Variants in DMD observed in about 807,000 individuals in gnomAD.
DMD encodes mutant dystrophin.
Under a neutral mutation model 330.1 loss-of-function variants are expected in DMD, and 63 were observed. The observed-to-expected ratio is 0.19, with a 90% CI of 0.16 to 0.24. DMD has a LOEUF of 0.24. Ranked by LOEUF, DMD falls within the 10% of genes least tolerant of loss-of-function variation. DMD has a pLI of 1.00. For synonymous variants in DMD, 1,223 were observed against 959.8 expected, an observed-to-expected ratio of 1.27 and a Z score of -5.07; for missense variants, 3,344 against 2,684.1, an observed-to-expected ratio of 1.25 and a Z score of -5.43.
intron 7 of DMD, among the ~76,000 whole-genome samples, chrX:32,748,066 G>C (rs2070290656): frequency 9.0e-6 from 1 of 111,063 alleles, no homozygotes; most frequent in Admixed American, 9.6e-5. Flanking sequence ...GTGTAGGCCA[G>C]GTGTGGTGGC....
chrX:31,749,917 T>C (rs1275762673), intron 51 of DMD, among the ~76,000 whole-genome samples: 2 of 106,743 alleles, frequency 1.9e-5, no homozygotes, highest in African/African-American at 6.9e-5. Flanking sequence ...TTTTTTCATG[T>C]GTCTTTTGGC....
intron 28 of DMD, among the ~76,000 whole-genome samples, chrX:32,439,993 T>A (rs1603633510): frequency 9.0e-6 from 1 of 111,310 alleles, no homozygotes; most frequent in East Asian, 2.8e-4. Flanking sequence ...AAATTTTCTC[T>A]CTTTCCTTAA....
intron 54 of DMD, among the ~76,000 whole-genome samples, chrX:31,644,653 T>C (rs2079975502): frequency 8.9e-6 from 1 of 111,985 alleles, no homozygotes; most frequent in Non-Finnish European, 1.9e-5. Flanking sequence ...TGTCCTACCA[T>C]TATCAATTAA....
chrX:33,212,149 A>C (rs1267499858), upstream of DMD, among the ~76,000 whole-genome samples: 1 of 112,562 alleles, frequency 8.9e-6, no homozygotes, highest in Non-Finnish European at 1.9e-5. Context: ...TGCTAAAATA[A>C]AGAATACTCT....
chrX:33,269,559 T>C (rs776062151), intron 1 of DMD, among the ~76,000 whole-genome samples: 27 of 111,127 alleles, frequency 2.4e-4, no homozygotes, highest in Admixed American at 1.2e-3. Flanking sequence ...AAAATAAAAG[T>C]TGAAATTAAA....
At chrX:31,634,902 T>C (rs1357483712) in intron 54 of DMD, among the ~76,000 whole-genome samples, 1 of 111,864 alleles carries the variant, frequency 8.9e-6, no homozygotes, top group Non-Finnish European at 1.9e-5. Flanking sequence ...TATGAGCAGA[T>C]GAAATACACG....
At chrX:33,045,378 A>G (rs911113090) in intron 1 of DMD, among the ~76,000 whole-genome samples, 1 of 106,340 alleles carries the variant, frequency 9.4e-6, no homozygotes, top group African/African-American at 3.4e-5. Context: ...CTTAAGTTCC[A>G]TCCTTTGCAA....
chrX:32,601,230 C>T (rs2056171978), intron 12 of DMD, among the ~76,000 whole-genome samples: 1 of 111,401 alleles, frequency 9.0e-6, no homozygotes, highest in South Asian at 3.8e-4. Flanking sequence ...CCATGAAGAT[C>T]TATTTACGGT....
chrX:32,569,302 C>A, intron 15 of DMD, among the ~76,000 whole-genome samples: 1 of 112,091 alleles, frequency 8.9e-6, no homozygotes, highest in Non-Finnish European at 1.9e-5. Flanking sequence ...AATGCCAAGA[C>A]AATTTCTCCT....
At chrX:31,243,217 C>T (rs1603177890) in intron 63 of DMD, among the ~76,000 whole-genome samples, 2 of 112,067 alleles carry the variant, frequency 1.8e-5, no homozygotes. Flanking sequence ...AGCAATCTTC[C>T]TTTTCTGTTA....
At chrX:32,448,830 T>C (rs773908480) in intron 26 of DMD, among the ~76,000 whole-genome samples, 192 bp from the exon 27 acceptor site, 26 of 110,971 alleles carry the variant, frequency 2.3e-4, no homozygotes, top group Non-Finnish European at 3.8e-4. Context: ...AAGAAATAAT[T>C]TATTATAAGA....
At chrX:32,781,131 A>C (rs186185029) in intron 7 of DMD, among the ~76,000 whole-genome samples, 9,621 of 104,243 alleles carry the variant, frequency 0.092, 479 homozygotes, top group East Asian at 0.23. Flanking sequence ...AAAAGAAAAA[A>C]AAAAAAAAAA....
At chrX:32,085,596 G>A (rs868307437) in intron 44 of DMD, among the ~76,000 whole-genome samples, 2 of 67,855 alleles carry the variant, frequency 2.9e-5, no homozygotes, top group South Asian at 6.4e-4. Flanking sequence ...ACACATATAT[G>A]TATATATGTG....
At chrX:31,683,887 C>T (rs943890765) in intron 52 of DMD, among the ~76,000 whole-genome samples, 5 of 112,332 alleles carry the variant, frequency 4.5e-5, no homozygotes, top group Non-Finnish European at 7.5e-5. Flanking sequence ...GTTGTTCTTT[C>T]CTTGCATTAA....
chrX:31,767,843 A>C (rs1044137280), intron 51 of DMD, among the ~76,000 whole-genome samples: 3 of 112,204 alleles, frequency 2.7e-5, no homozygotes, highest in African/African-American at 9.7e-5. Flanking sequence ...ATAATTTTTA[A>C]GTACTTTGAC....
chrX:32,206,252 T>C lies in DMD; in HGVS notation c.6438+10664A>G, dbSNP rs147529840. ...AGCATTTAGTAGCTGGGGAGGAAGA[T>C]ACAGAGTCAGAAGACGAACAGGAGG... On this transcript the variant is annotated intron_variant, in intron 44 of 78. Coordinates refer to ENST00000357033, the MANE Select transcript of DMD (RefSeq NM_004006.3). The C allele has an allele frequency of 1.6e-3, 822 of 517,790 alleles. 4 individuals carry two copies. The highest frequency in any genetic ancestry group is 0.015 in the African/African-American group (662 of 43,155). 42.7% of individuals were successfully genotyped at this position (517,790 alleles called of 1,213,427 possible).
chrX:32,156,629 GATAC>G (rs1362652113), intron 44 of DMD, among the ~76,000 whole-genome samples: 6 of 80,021 alleles, frequency 7.5e-5, no homozygotes, highest in Non-Finnish European at 1.3e-4. Context: ...ATGACAAAAG[GATAC>G]ACACACACAC....
At chrX:32,394,922 A>C (rs374104484) in intron 30 of DMD, among the ~76,000 whole-genome samples, 33 of 22,227 alleles carry the variant, frequency 1.5e-3, no homozygotes, top group Admixed American at 2.1e-3. Context: ...AAAACAAAAA[A>C]AAAAAAAAAA....
intron 16 of DMD, among the ~76,000 whole-genome samples, chrX:32,558,962 T>TTTTTTTTTTTTTC (rs2050676898): frequency 1.4e-5 from 1 of 68,981 alleles, no homozygotes; most frequent in African/African-American, 4.6e-5. Context: ...TTTTTTTTTT[T>TTTTTTTTTTTTTC]TTTTTTGAGA....
Sources: gnomAD v4.1 joint callset for allele counts (sites outside exome capture counted in the v4.1 genomes callset) on GRCh38, gnomAD v4.1.1 for gene constraint, MANE v1.5 for transcripts, NCBI Gene and HGNC (gene_info 2026-07-23, HGNC 2026-07-21) for gene names.